The following CRACD variants were observed in gnomAD, a reference collection of about 807,000 sequenced individuals.
CRACD encodes capping protein inhibiting regulator of actin dynamics.
In CRACD, 56 loss-of-function variants were observed where a neutral mutation model predicts 106.8. The observed-to-expected ratio is 0.52, with a 90% confidence interval of 0.42 to 0.66. CRACD has a LOEUF of 0.66. Among genes scored for constraint, CRACD ranks in the 30% least tolerant of loss-of-function variants. The pLI, the probability that CRACD is intolerant of heterozygous loss-of-function variation, is 0.00. For synonymous variants in CRACD, 754 were observed against 670.8 expected (o/e 1.12, Z -1.92); for missense variants, 1,730 against 1,623.2 (o/e 1.07, Z -1.13).
chr4:56,323,257 A>G, intron 8 of CRACD, 120 bp from the exon 9 acceptor site: 1 of 807,818 alleles, frequency 1.2e-6, no homozygotes, highest in Non-Finnish European at 1.9e-6. Flanking sequence ...TTGTGCTAGG[A>G]AGGGGCCAGC....
At chr4:56,158,990 T>C (rs1735854976) in intron 1 of CRACD, among the ~76,000 whole-genome samples, 1 of 152,246 alleles carries the variant, frequency 6.6e-6, no homozygotes. Flanking sequence ...TCATTTTCCC[T>C]GTGGAGCATT....
At chr4:56,122,756 A>G (rs2109855832) in intron 1 of CRACD, among the ~76,000 whole-genome samples, 1 of 152,326 alleles carries the variant, frequency 6.6e-6, no homozygotes, top group East Asian at 1.9e-4. Context: ...TCAAAAATTC[A>G]ATAGTAGAAA....
chr4:56,120,659 A>G (rs1734454804), intron 1 of CRACD, among the ~76,000 whole-genome samples: 1 of 152,212 alleles, frequency 6.6e-6, no homozygotes, highest in Non-Finnish European at 1.5e-5. Context: ...TATAAAGCTT[A>G]GGTCTATGAT....
chr4:56,157,922 A>G (rs1272681758), intron 1 of CRACD, among the ~76,000 whole-genome samples: 3 of 152,104 alleles, frequency 2.0e-5, no homozygotes, highest in African/African-American at 4.8e-5. Context: ...GCATACATGT[A>G]TGTGTCTTTC....
At chr4:56,208,740 A>G (rs1201254779) in intron 2 of CRACD, among the ~76,000 whole-genome samples, 1 of 152,226 alleles carries the variant, frequency 6.6e-6, no homozygotes, top group Non-Finnish European at 1.5e-5. Flanking sequence ...GTCAAAAGAG[A>G]CTTAATTTTG....
At chr4:56,240,387 G>A (rs1206413948) in intron 2 of CRACD, among the ~76,000 whole-genome samples, 2 of 152,076 alleles carry the variant, frequency 1.3e-5, no homozygotes, top group Admixed American at 1.3e-4. Flanking sequence ...CATCAACGCT[G>A]TTTTCTGTAT....
At chr4:56,235,170 T>G (rs552456861) in intron 2 of CRACD, among the ~76,000 whole-genome samples, 1 of 152,248 alleles carries the variant, frequency 6.6e-6, no homozygotes, top group African/African-American at 2.4e-5. Flanking sequence ...GGGGAAAAAA[T>G]TGTAAAAACA....
rs575666385 is a variant in CRACD, at chr4:56,081,309, C to T, written c.-336+32010C>T. ...CTGTACCATATGACACCCAGAAATACAAGGATCCCACTGAGATAGCGCACT... is the reference window on the plus strand; with the variant it reads ...CTGTACCATATGACACCCAGAAATATAAGGATCCCACTGAGATAGCGCACT... On this transcript the variant is annotated intron_variant, in intron 1 of 10. Coordinates refer to ENST00000682029, the MANE Select transcript of CRACD (RefSeq NM_001393381.1). 3.3e-5 allele frequency among the ~76,000 whole-genome samples: 5 copies of T among 152,292 alleles called. No homozygotes were observed. In the South Asian group the frequency reaches 6.2e-4, roughly 19 times the overall value.
intron 1 of CRACD, among the ~76,000 whole-genome samples, chr4:56,093,774 GC>G (rs751656207): frequency 6.6e-5 from 10 of 152,246 alleles, no homozygotes; most frequent in Middle Eastern, 3.4e-3. Flanking sequence ...GTAACCAGAG[GC>G]CCTTCTGGCC....
chr4:56,180,517 TAAATAAATA>T (rs1175985570), intron 2 of CRACD, among the ~76,000 whole-genome samples: 2 of 151,094 alleles, frequency 1.3e-5, no homozygotes, highest in Non-Finnish European at 2.9e-5. Context: ...AATAAATAAA[TAAATAAATA>T]AATAAATAGA....
intron 1 of CRACD, among the ~76,000 whole-genome samples, chr4:56,119,080 T>C (rs1300265517): frequency 1.3e-5 from 2 of 152,208 alleles, no homozygotes; most frequent in African/African-American, 4.8e-5. Flanking sequence ...ACATAGTAGC[T>C]AGCATTTCCT....
At chr4:56,251,949 T>C (rs991544663) in intron 2 of CRACD, among the ~76,000 whole-genome samples, 8 of 152,220 alleles carry the variant, frequency 5.3e-5, no homozygotes, top group Admixed American at 4.6e-4. Context: ...AAATATGTTT[T>C]ATATCAGAAC....
At position 56,317,210 on chromosome 4, in the gene CRACD, C is replaced by T. The variant is rs529349240; in HGVS notation, c.3187+521C>T. 6.6e-5 allele frequency among the ~76,000 whole-genome samples: 10 copies of T among 152,338 alleles called. No homozygotes were observed. The East Asian group carries it at 1.7e-3, about 26-fold the overall frequency. On this transcript the variant is annotated intron_variant, in intron 8 of 10. Coordinates refer to ENST00000682029, the MANE Select transcript of CRACD (RefSeq NM_001393381.1). ...TGGTCCTTGCGCTCCTTGTCTGCCT[C>T]TGTCCAGCTCATTGACTACGTCACT...
chr4:56,173,480 G>A (rs10213095), intron 1 of CRACD, among the ~76,000 whole-genome samples: 43,307 of 152,108 alleles, frequency 0.28, 6,222 homozygotes, highest in South Asian at 0.31. Context: ...TCAGCAAATG[G>A]GTTTCCATGA....
intron 2 of CRACD, among the ~76,000 whole-genome samples, chr4:56,242,059 C>A (rs1184707289): frequency 1.3e-5 from 2 of 152,092 alleles, no homozygotes; most frequent in African/African-American, 4.8e-5. Flanking sequence ...AGTAAGAAGC[C>A]TGAAACTACC....
intron 1 of CRACD, among the ~76,000 whole-genome samples, chr4:56,107,997 TCCTGTTGC>T (rs2109838634): frequency 6.6e-6 from 1 of 152,294 alleles, no homozygotes; most frequent in East Asian, 1.9e-4. Context: ...ATGTGGGGCA[TCCTGTTGC>T]CCTGGAGAAC....
At position 56,330,354 on chromosome 4, in the gene CRACD, A is replaced by C. The variant is rs1746733818; in HGVS notation, c.*2550A>C. 6.6e-6 allele frequency among the ~76,000 whole-genome samples: 1 copy of C among 152,192 alleles called. No individual in the cohort carries two copies. Among genetic ancestry groups the C allele is most frequent in the Admixed American group, 6.5e-5 (1 of 15,284 alleles). Reference sequence around the variant, plus strand: ...ACACAGACATTATTACTATTAAATTATCATTTAGCCAGTTATCTGCAAATA... The same window carrying C: ...ACACAGACATTATTACTATTAAATTCTCATTTAGCCAGTTATCTGCAAATA... On this transcript the variant is annotated 3_prime_UTR_variant, in exon 11 of 11. Transcript: ENST00000682029.
chr4:56,324,068 A>C (rs752262042), intron 9 of CRACD, 36 bp from the exon 10 acceptor site: 4 of 1,575,436 alleles, frequency 2.5e-6, no homozygotes, highest in Non-Finnish European at 3.5e-6. Context: ...TCTTAGGTTG[A>C]AAACATGTTT....
chr4:56,144,478 T>C (rs1735309555), intron 1 of CRACD, among the ~76,000 whole-genome samples: 1 of 152,164 alleles, frequency 6.6e-6, no homozygotes, highest in South Asian at 2.1e-4. Context: ...AGCTCTCATG[T>C]TCCAAGAAAT....
Sources: gnomAD v4.1 joint callset for allele counts (sites outside exome capture counted in the v4.1 genomes callset) on GRCh38, gnomAD v4.1.1 for gene constraint, MANE v1.5 for transcripts, NCBI Gene and HGNC (gene_info 2026-07-23, HGNC 2026-07-21) for gene names.